The following TPH2 variants were observed in gnomAD, a reference collection of about 807,000 sequenced individuals.
TPH2 encodes tryptophan 5-hydroxylase 2.
Under a neutral mutation model 59.1 loss-of-function variants are expected in TPH2, and 27 were observed. The ratio of observed to expected loss-of-function variants is 0.46; its 90% CI spans 0.34 to 0.63. The LOEUF is 0.63. Among genes scored for constraint, TPH2 ranks in the 30% least tolerant of loss-of-function variants. The pLI is 0.01. For missense variants in TPH2, 523 were observed against 588.3 expected, an observed-to-expected ratio of 0.89 and a Z score of 1.15; for synonymous variants, 220 against 210.5, an observed-to-expected ratio of 1.05 and a Z score of -0.39.
chr12:71,992,523 G>A (rs1479647102), intron 7 of TPH2, among the ~76,000 whole-genome samples: 1 of 151,066 alleles, frequency 6.6e-6, no homozygotes, highest in East Asian at 2.0e-4. Flanking sequence ...AGGATCGCTT[G>A]AGCCCAGGAG....
At chr12:72,016,674 T>G (rs1409971627) in intron 8 of TPH2, among the ~76,000 whole-genome samples, 1 of 152,206 alleles carries the variant, frequency 6.6e-6, no homozygotes, top group Non-Finnish European at 1.5e-5. Flanking sequence ...TGTATGTGAT[T>G]ATTTTAAAAT....
At chr12:72,030,341 C>A (rs976346211) in intron 9 of TPH2, among the ~76,000 whole-genome samples, 1 of 151,988 alleles carries the variant, frequency 6.6e-6, no homozygotes, top group African/African-American at 2.4e-5. Context: ...AAATTGAGAC[C>A]CTGGATATCT....
chr12:72,027,117 A>G (rs942937476), intron 9 of TPH2, among the ~76,000 whole-genome samples: 8 of 151,924 alleles, frequency 5.3e-5, no homozygotes, highest in Admixed American at 3.3e-4. Flanking sequence ...CAGGGTTTGC[A>G]TATAGAATAG....
In TPH2 at chr12:72,031,794, G is replaced by A. The variant is rs1476091836; in HGVS notation, c.*99G>A. The A allele has an allele frequency of 6.3e-6, 9 of 1,417,578 alleles. No individual in the cohort carries two copies. Among genetic ancestry groups the A allele is most frequent in the Non-Finnish European group, 8.9e-6 (9 of 1,007,492 alleles). 87.8% of individuals were successfully genotyped at this position (1,417,578 alleles called of 1,614,324 possible). A position where few individuals can be genotyped will look rare whatever the true frequency, so the allele number is the denominator to read the frequency against. On this transcript the variant is annotated 3_prime_UTR_variant, in exon 11 of 11. Coordinates refer to ENST00000333850, the MANE Select transcript of TPH2 (RefSeq NM_173353.4). The stretch of plus-strand genomic sequence containing the variant: ...AAATAACCTTCTGTGTCATGGCTTG[G>A]CTAATAAGCATGCAATTCCATATAT...
chr12:71,940,126 A>G (rs1871016233), intron 1 of TPH2, among the ~76,000 whole-genome samples: 1 of 152,202 alleles, frequency 6.6e-6, no homozygotes, highest in Non-Finnish European at 1.5e-5. Context: ...ATTACAATGA[A>G]GAGTTTTGAA....
chr12:71,960,050 A>T (rs1871635130), intron 5 of TPH2, among the ~76,000 whole-genome samples: 1 of 152,212 alleles, frequency 6.6e-6, no homozygotes, highest in Non-Finnish European at 1.5e-5. Context: ...ACTGAGATAT[A>T]TGTGGCTGTT....
intron 5 of TPH2, among the ~76,000 whole-genome samples, chr12:71,954,833 A>AT (rs11316791): frequency 6.6e-6 from 1 of 151,090 alleles, no homozygotes; most frequent in Non-Finnish European, 1.5e-5. Context: ...TGCATATTTA[A>AT]TTTTTTTTTT....
intron 9 of TPH2, among the ~76,000 whole-genome samples, chr12:72,028,304 A>G (rs1873624313): frequency 6.6e-6 from 1 of 152,176 alleles, no homozygotes; most frequent in African/African-American, 2.4e-5. Flanking sequence ...GTTTGGTTCA[A>G]TGTTTACAGA....
At chr12:71,978,845 T>C (rs1872192010) in intron 6 of TPH2, 107 bp from the exon 7 acceptor site, 2 of 1,425,288 alleles carry the variant, frequency 1.4e-6, no homozygotes, top group African/African-American at 2.8e-5. Context: ...TTTATGACCT[T>C]GATTACTTTG....
At chr12:71,995,357 C>T (rs1872668878) in intron 8 of TPH2, among the ~76,000 whole-genome samples, 1 of 152,036 alleles carries the variant, frequency 6.6e-6, no homozygotes, top group Admixed American at 6.6e-5. Flanking sequence ...CCTACAGGGA[C>T]CAGTCAGTTA....
At chr12:71,982,923 T>A (rs564717973) in intron 7 of TPH2, among the ~76,000 whole-genome samples, 1 of 152,364 alleles carries the variant, frequency 6.6e-6, no homozygotes, top group South Asian at 2.1e-4. Context: ...CATTGGATTT[T>A]AAACATATCT....
At chr12:72,025,543 G>A (rs1346771950) in intron 9 of TPH2, among the ~76,000 whole-genome samples, 2 of 152,018 alleles carry the variant, frequency 1.3e-5, no homozygotes, top group Non-Finnish European at 2.9e-5. Flanking sequence ...TTTGAAGATA[G>A]AAACAAAATA....
intron 9 of TPH2, among the ~76,000 whole-genome samples, chr12:72,028,542 C>T (rs1270315156): frequency 6.6e-6 from 1 of 152,162 alleles, no homozygotes; most frequent in Non-Finnish European, 1.5e-5. Flanking sequence ...TGGAACTCAG[C>T]ACACAGTCAG....
At chr12:72,000,261 G>A (rs1872789280) in intron 8 of TPH2, among the ~76,000 whole-genome samples, 1 of 152,106 alleles carries the variant, frequency 6.6e-6, no homozygotes, top group South Asian at 2.1e-4. Context: ...CTTTTCTACT[G>A]GGCAGAAATT....
chr12:72,025,740 A>T (rs1469139752), intron 9 of TPH2, among the ~76,000 whole-genome samples: 2 of 152,278 alleles, frequency 1.3e-5, no homozygotes, highest in East Asian at 3.9e-4. Flanking sequence ...ACAATTAACA[A>T]TGAGCTGAGT....
At chr12:71,944,073 A>G (rs1871140158) in intron 2 of TPH2, among the ~76,000 whole-genome samples, 1 of 152,038 alleles carries the variant, frequency 6.6e-6, no homozygotes, top group Non-Finnish European at 1.5e-5. Flanking sequence ...CTATTTTTTT[A>G]TGAGGCAGGA....
chr12:72,009,258 A>G (rs1422523900), intron 8 of TPH2, among the ~76,000 whole-genome samples: 3 of 152,046 alleles, frequency 2.0e-5, no homozygotes, highest in South Asian at 4.2e-4. Context: ...GAAGAGAGGG[A>G]TTGTCATTCT....
In TPH2 at chr12:72,032,170, CAAAGGTTCAATATTCTATTTCA is replaced by C. The variant is rs1343069842; in HGVS notation, c.*479_*500del. 1 of 182,572 alleles carries C rather than the reference CAAAGGTTCAATATTCTATTTCA, an allele frequency of 5.5e-6. No homozygotes were observed. The highest frequency in any genetic ancestry group is 1.2e-5 in the Non-Finnish European group (1 of 85,448). The allele number at this position is 182,572 out of a possible 1,614,324, so 11.3% of individuals were successfully genotyped here. On this transcript the variant is annotated 3_prime_UTR_variant, in exon 11 of 11. Transcript: ENST00000333850. The stretch of plus-strand genomic sequence containing the variant: ...TGTAGGAAACTTCCCATCACAATAA[CAAAGGTTCAATATTCTATTTCA>C]AAAATTGTTGAGGTAACACAGCAGT...
At chr12:71,982,942 T>G (rs767882337) in intron 7 of TPH2, among the ~76,000 whole-genome samples, 1 of 152,230 alleles carries the variant, frequency 6.6e-6, no homozygotes, top group Admixed American at 6.5e-5. Context: ...CTTTGACTTC[T>G]TTTTACATTT....
Sources: gnomAD v4.1 joint callset for allele counts (sites outside exome capture counted in the v4.1 genomes callset) on GRCh38, gnomAD v4.1.1 for gene constraint, MANE v1.5 for transcripts, NCBI Gene and HGNC (gene_info 2026-07-23, HGNC 2026-07-21) for gene names.